The following CD163L1 variants were observed in gnomAD, a reference collection of about 807,000 sequenced individuals.
The protein encoded by CD163L1 is scavenger receptor cysteine-rich type 1 protein M160.
CD163L1 carries 124 observed loss-of-function variants against 165.4 expected under a neutral mutation model. The ratio of observed to expected loss-of-function variants is 0.75; its 90% CI spans 0.65 to 0.87. The LOEUF (loss-of-function observed/expected upper bound fraction) is 0.87, where lower values mean the gene tolerates loss of function less well. Ranked by LOEUF, CD163L1 falls within the 40% of genes least tolerant of loss-of-function variation. The pLI is 0.00. For missense variants in CD163L1, 1,525 were observed against 1,799.9 expected, an observed-to-expected ratio of 0.85 and a Z score of 2.76; for synonymous variants, 585 against 662.2, an observed-to-expected ratio of 0.88 and a Z score of 1.79.
Position 7,372,815 on chromosome 12 carries a change from T to C in CD163L1, c.3730+505A>G, listed in dbSNP as rs1302297752. ...GAATGCATTTTATTATTTATAATTG[T>C]ACAATTTCTAAAATCTCTACAATAA... On this transcript the variant is annotated intron_variant, in intron 14 of 19. Coordinates refer to ENST00000313599, the MANE Select transcript of CD163L1 (RefSeq NM_174941.6). This position sits in a 1 kb window ranked among gnomAD's most constrained non-coding sequence, Gnocchi z 4.2. Among the ~76,000 whole-genome samples the C allele has an allele frequency of 6.6e-6, 1 of 152,066 alleles. No individual in the cohort carries two copies. Among genetic ancestry groups the C allele is most frequent in the East Asian group, 1.9e-4 (1 of 5,200 alleles).
At chr12:7,381,921 G>T (rs1295595118) in intron 8 of CD163L1, among the ~76,000 whole-genome samples, 2 of 150,668 alleles carry the variant, frequency 1.3e-5, no homozygotes, top group Non-Finnish European at 3.0e-5. Context: ...GCATAAAAAG[G>T]TGACATCATA....
At chr12:7,406,075 A>G (rs1057330597) in intron 5 of CD163L1, among the ~76,000 whole-genome samples, 1 of 152,230 alleles carries the variant, frequency 6.6e-6, no homozygotes, top group African/African-American at 2.4e-5. Context: ...AAATTTTTAG[A>G]TAGGTACTCT....
chr12:7,386,264 C>A (rs35152904), intron 8 of CD163L1, among the ~76,000 whole-genome samples: 1 of 151,878 alleles, frequency 6.6e-6, no homozygotes, highest in Non-Finnish European at 1.5e-5. Context: ...CAAGATTAAT[C>A]AAGGAAGAAA....
chr12:7,366,854 A>G (rs1443942967), intron 18 of CD163L1, among the ~76,000 whole-genome samples: 1 of 152,208 alleles, frequency 6.6e-6, no homozygotes, highest in African/African-American at 2.4e-5. Context: ...GATAAGATTC[A>G]AGGAACTTAG....
chr12:7,369,211 G>A lies in CD163L1; in HGVS notation c.4039+146C>T. On this transcript the variant is annotated intron_variant, in intron 15 of 19. Coordinates refer to ENST00000313599, the MANE Select transcript of CD163L1 (RefSeq NM_174941.6). This position sits in a 1 kb window ranked among gnomAD's most constrained non-coding sequence, Gnocchi z 4.9. ...CAGTGGAACATTATCTTATTTAGTT[G>A]TGGAAAAACGTTAGTTTAACATAGC... 1.0e-6 allele frequency: 1 copy of A among 967,446 alleles called. No homozygotes were observed. The highest frequency in any genetic ancestry group is 2.4e-5 in the East Asian group (1 of 41,522). The allele number at this position is 967,446 out of a possible 1,614,324, so 59.9% of individuals were successfully genotyped here.
At chr12:7,357,832 T>C (rs992695771) in intron 18 of CD163L1, among the ~76,000 whole-genome samples, 2 of 151,990 alleles carry the variant, frequency 1.3e-5, no homozygotes, top group Admixed American at 6.6e-5. Context: ...GATAGGAGAG[T>C]ACTAAAAATT....
chr12:7,358,134 A>G (rs1303716024), intron 18 of CD163L1, among the ~76,000 whole-genome samples: 5 of 152,168 alleles, frequency 3.3e-5, no homozygotes, highest in Admixed American at 3.3e-4. Context: ...AATTGGAGAG[A>G]CAGACAGGCA....
At chr12:7,321,355 T>TCCAGTAGAGTTGA in the CD163L1 span, among the ~76,000 whole-genome samples, 1 of 152,226 alleles carries the variant, frequency 6.6e-6, no homozygotes, top group Non-Finnish European at 1.5e-5. Flanking sequence ...TTGCAATGTA[T>TCCAGTAGAGTTGA]ATTTGTTTAA....
At chr12:7,412,179 C>T (rs1948150557) in intron 4 of CD163L1, among the ~76,000 whole-genome samples, 1 of 152,210 alleles carries the variant, frequency 6.6e-6, no homozygotes, top group Admixed American at 6.5e-5. Context: ...ATTGTCCTCA[C>T]AATTCATTTT....
chr12:7,375,425 T>A lies in CD163L1; in HGVS notation c.2857A>T (p.Lys953Ter). The change falls in exon 11 of 20, where the codon AAA becomes TAA. Residue 953 changes from lysine to a stop codon, truncating the protein, a stop_gained. Coordinates refer to ENST00000313599, the MANE Select transcript of CD163L1 (RefSeq NM_174941.6). LOFTEE classifies it high-confidence loss of function. ...CGTALSTTGG[K>*]YIGERSVRVW... ...CGAACACTTCTTTCTCCAATATATTTTCCTCCTGTGGTTGAGAGAGCAGTC... is the reference window on the plus strand; with the variant it reads ...CGAACACTTCTTTCTCCAATATATTATCCTCCTGTGGTTGAGAGAGCAGTC... 1 of 1,614,128 alleles carries A rather than the reference T, an allele frequency of 6.2e-7. No homozygotes were observed. Among genetic ancestry groups the A allele is most frequent in the Non-Finnish European group, 8.5e-7 (1 of 1,180,018 alleles).
intron 4 of CD163L1, among the ~76,000 whole-genome samples, chr12:7,418,940 A>G (rs997768382): frequency 2.0e-5 from 3 of 152,120 alleles, no homozygotes; most frequent in Admixed American, 2.0e-4. Flanking sequence ...GCTGAAATCT[A>G]TCAGATATTC....
At chr12:7,438,245 GT>G (rs1023773050) in intron 2 of CD163L1, among the ~76,000 whole-genome samples, 4 of 152,126 alleles carry the variant, frequency 2.6e-5, no homozygotes, top group South Asian at 2.1e-4. Flanking sequence ...AAAAAATGAT[GT>G]TTTTTATAGC....
chr12:7,404,435 A>C (rs959187477), intron 5 of CD163L1, among the ~76,000 whole-genome samples: 1 of 152,204 alleles, frequency 6.6e-6, no homozygotes. Flanking sequence ...ATAGGAAATG[A>C]AATTTGTTCA....
At chr12:7,339,513 G>T in the CD163L1 span, among the ~76,000 whole-genome samples, 547 of 152,210 alleles carry the variant, frequency 3.6e-3, 3 homozygotes, top group African/African-American at 0.013. Context: ...TCACCTCTGG[G>T]TTATTTTGGC....
downstream of CD163L1, among the ~76,000 whole-genome samples, chr12:7,351,675 T>G (rs78953252): frequency 5.6e-4 from 86 of 152,262 alleles, 1 homozygote; most frequent in East Asian, 0.015. Context: ...TCAGAAACAA[T>G]TAGATCACTT....
At chr12:7,351,835 G>A (rs11052699), downstream of CD163L1, among the ~76,000 whole-genome samples, 9,252 of 152,184 alleles carry the variant, frequency 0.061, 380 homozygotes, top group East Asian at 0.16. Context: ...AGTCAAGAAT[G>A]ATGTAAATGG....
At chr12:7,326,862 T>A in the CD163L1 span, 4 of 1,193,354 alleles carry the variant, frequency 3.4e-6, no homozygotes, top group Non-Finnish European at 4.5e-6. Flanking sequence ...GCATTTGCAG[T>A]CATCACACAA....
intron 4 of CD163L1, among the ~76,000 whole-genome samples, chr12:7,349,183 C>G (rs1946691641): frequency 6.6e-6 from 1 of 152,170 alleles, no homozygotes; most frequent in Admixed American, 6.5e-5. Flanking sequence ...TCAGAAATTA[C>G]TTTCTTATCT....
intron 4 of CD163L1, among the ~76,000 whole-genome samples, chr12:7,348,509 C>T (rs755109294): frequency 6.6e-6 from 1 of 152,178 alleles, no homozygotes. Context: ...TAGAACATAG[C>T]ATGCCATTTA....
Sources: allele counts gnomAD v4.1 joint callset (sites outside exome capture counted in the v4.1 genomes callset), GRCh38; gene constraint gnomAD v4.1.1; non-coding constraint Gnocchi (gnomAD v3.1); transcripts MANE v1.5; gene names NCBI Gene and HGNC (gene_info 2026-07-23, HGNC 2026-07-21).